Variants in SPOCK3 observed in about 807,000 individuals in gnomAD.
The protein encoded by SPOCK3 is SPARC (osteonectin), cwcv and kazal like domains proteoglycan 3.
SPOCK3 carries 30 observed loss-of-function variants against 56.6 expected under a neutral mutation model. That is an observed-to-expected ratio of 0.53 (90% CI 0.40 to 0.72). The LOEUF is 0.72. Among genes scored for constraint, SPOCK3 ranks in the 30% least tolerant of loss-of-function variants. The pLI, the probability that SPOCK3 is intolerant of heterozygous loss-of-function variation, is 0.00. For missense variants in SPOCK3, 527 were observed against 530.0 expected (o/e 0.99, Z 0.06); for synonymous variants, 196 against 183.3 (o/e 1.07, Z -0.56).
intron 2 of SPOCK3, among the ~76,000 whole-genome samples, chr4:167,166,093 C>T (rs552273353): frequency 1.3e-5 from 2 of 152,052 alleles, no homozygotes; most frequent in Admixed American, 6.6e-5. Flanking sequence ...AACCCACATG[C>T]AATGAAATTC....
chr4:167,136,810 C>G (rs989926306), intron 2 of SPOCK3, among the ~76,000 whole-genome samples: 36 of 151,992 alleles, frequency 2.4e-4, no homozygotes, highest in African/African-American at 8.5e-4. Flanking sequence ...TTTAAGAACA[C>G]TGGGGAGTTT....
At chr4:166,912,592 C>A in intron 5 of SPOCK3, 28 bp downstream of exon 5, 1 of 1,610,708 alleles carries the variant, frequency 6.2e-7, no homozygotes, top group Middle Eastern at 1.7e-4. Flanking sequence ...TCCCTTATTT[C>A]AAACTAAACA....
At chr4:166,842,043 T>C (rs978698767) in intron 6 of SPOCK3, among the ~76,000 whole-genome samples, 2 of 152,152 alleles carry the variant, frequency 1.3e-5, no homozygotes, top group Non-Finnish European at 2.9e-5. Flanking sequence ...TTAAGGCTCT[T>C]AAGGCGTTGC....
chr4:167,069,517 G>A (rs914309390), intron 2 of SPOCK3, among the ~76,000 whole-genome samples: 5 of 151,902 alleles, frequency 3.3e-5, no homozygotes, highest in African/African-American at 9.7e-5. Context: ...ATTTTGGGCT[G>A]GTTCGTAGCG....
At chr4:166,778,744 G>T (rs925808161) in intron 7 of SPOCK3, among the ~76,000 whole-genome samples, 1 of 151,522 alleles carries the variant, frequency 6.6e-6, no homozygotes, top group Non-Finnish European at 1.5e-5. Context: ...TTCTAAAGCA[G>T]GAAGGGTATG....
At chr4:167,125,299 C>T (rs766775631) in intron 2 of SPOCK3, among the ~76,000 whole-genome samples, 3 of 148,894 alleles carry the variant, frequency 2.0e-5, no homozygotes, top group Non-Finnish European at 4.4e-5. Context: ...TAGAAAAGTG[C>T]CAGGCATATA....
chr4:166,739,391 C>A (rs9918043), intron 9 of SPOCK3, among the ~76,000 whole-genome samples: 69,240 of 151,804 alleles, frequency 0.46, 16,280 homozygotes, highest in African/African-American at 0.5. Context: ...CAGGCATGCA[C>A]CACCACACCA....
At position 166,905,919 on chromosome 4, in the gene SPOCK3, A is replaced by T. The variant is rs149281464; in HGVS notation, c.474+6701T>A. Among the ~76,000 whole-genome samples, 636 of 152,138 alleles carry T rather than the reference A, an allele frequency of 4.2e-3. 17 individuals are homozygous for T. Among genetic ancestry groups the T allele is most frequent in the Admixed American group, 0.033 (501 of 15,228 alleles). Reference sequence around the variant, plus strand: ...ACAAATTTAATAAAGGGCATTATGAAATTCTATACTGAAAATTACCAAACA... The same window carrying T: ...ACAAATTTAATAAAGGGCATTATGATATTCTATACTGAAAATTACCAAACA... On this transcript the variant is annotated intron_variant, in intron 5 of 10. Coordinates refer to ENST00000357545, the MANE Select transcript of SPOCK3 (RefSeq NM_001040159.2).
chr4:166,789,858 A>G (rs556005536), intron 7 of SPOCK3, among the ~76,000 whole-genome samples: 1 of 152,306 alleles, frequency 6.6e-6, no homozygotes, highest in South Asian at 2.1e-4. Flanking sequence ...TAAGCTTTTT[A>G]CAAAGCAGTC....
intron 2 of SPOCK3, among the ~76,000 whole-genome samples, chr4:167,098,024 C>T (rs1470148111): frequency 6.6e-6 from 1 of 151,924 alleles, no homozygotes; most frequent in Non-Finnish European, 1.5e-5. Flanking sequence ...ATAAATGTGT[C>T]CCCTGTGGTA....
intron 2 of SPOCK3, among the ~76,000 whole-genome samples, chr4:167,143,499 G>A (rs1459768047): frequency 2.0e-5 from 3 of 151,926 alleles, no homozygotes; most frequent in East Asian, 3.9e-4. Context: ...CTCTCATCCT[G>A]GATAACATAA....
At chr4:167,135,485 C>A (rs1338497607) in intron 2 of SPOCK3, among the ~76,000 whole-genome samples, 1 of 152,248 alleles carries the variant, frequency 6.6e-6, no homozygotes, top group African/African-American at 2.4e-5. Context: ...TAGTTGTAAT[C>A]TTTCTCACTG....
rs550768606 is a variant in SPOCK3 at position 166,963,662 on chromosome 4, A to C, written c.350+36687T>G. ...ATTCAATTTAAAAAAACAAATTAAAATTTGCTATTAAATATTCTGCACACA... is the reference window on the plus strand; with the variant it reads ...ATTCAATTTAAAAAAACAAATTAAACTTTGCTATTAAATATTCTGCACACA... On this transcript the variant is annotated intron_variant, in intron 4 of 10. Coordinates refer to ENST00000357545, the MANE Select transcript of SPOCK3 (RefSeq NM_001040159.2). Among the ~76,000 whole-genome samples, 4 of 152,082 alleles carry C rather than the reference A, an allele frequency of 2.6e-5. No homozygotes were observed. In the South Asian group the frequency reaches 8.3e-4, roughly 32 times the overall value.
chr4:166,982,413 C>T (rs1050047257), intron 4 of SPOCK3, among the ~76,000 whole-genome samples: 1 of 152,016 alleles, frequency 6.6e-6, no homozygotes, highest in Admixed American at 6.6e-5. Flanking sequence ...CTCCTATAGA[C>T]GTGGTGGTAG....
At chr4:167,037,250 G>A (rs1171517288) in intron 3 of SPOCK3, among the ~76,000 whole-genome samples, 2 of 152,094 alleles carry the variant, frequency 1.3e-5, no homozygotes, top group African/African-American at 2.4e-5. Flanking sequence ...TTGGGAGGCC[G>A]AGACGGGTGA....
At chr4:167,080,019 A>G (rs1412548896) in intron 2 of SPOCK3, among the ~76,000 whole-genome samples, 2 of 152,038 alleles carry the variant, frequency 1.3e-5, no homozygotes. Context: ...AGAATCTGCT[A>G]TCTGGGGGGA....
At chr4:167,031,848 A>C (rs1406055479) in intron 3 of SPOCK3, among the ~76,000 whole-genome samples, 1 of 152,002 alleles carries the variant, frequency 6.6e-6, no homozygotes, top group Non-Finnish European at 1.5e-5. Flanking sequence ...GGAAATATTA[A>C]ACTAAATGCT....
intron 6 of SPOCK3, among the ~76,000 whole-genome samples, chr4:166,792,609 G>A (rs971324959): frequency 1.3e-5 from 2 of 151,968 alleles, no homozygotes; most frequent in East Asian, 1.9e-4. Context: ...TTATGCTGGG[G>A]TGATAGGTTA....
rs566532521 is a variant in SPOCK3, at chr4:166,957,494, C to T, written c.350+42855G>A. Among the ~76,000 whole-genome samples, 11 of 152,286 alleles carry T rather than the reference C, an allele frequency of 7.2e-5. 1 individual carries two copies. The South Asian group carries it at 1.2e-3, about 17-fold the overall frequency. On this transcript the variant is annotated intron_variant, in intron 4 of 10. Coordinates refer to ENST00000357545, the MANE Select transcript of SPOCK3 (RefSeq NM_001040159.2). ...CATTCTTCTCCATCTCACTTATTTG[C>T]AACTCCATCATTCTAGTTGCTCAAG...
Sources: gnomAD v4.1 joint callset for allele counts (sites outside exome capture counted in the v4.1 genomes callset) on GRCh38, gnomAD v4.1.1 for gene constraint, MANE v1.5 for transcripts, NCBI Gene and HGNC (gene_info 2026-07-23, HGNC 2026-07-21) for gene names.